Variants in MAGED1 observed in about 807,000 individuals in gnomAD.
MAGED1 encodes the protein MAGE family member D1, also known as melanoma-associated antigen D1.
A neutral mutation model predicts 54.1 loss-of-function variants in MAGED1; 3 were observed. The ratio of observed to expected loss-of-function variants is 0.06; its 90% CI spans 0.03 to 0.14. MAGED1 has a LOEUF of 0.14. MAGED1 is among the 10% of genes least tolerant of loss of function. MAGED1 has a pLI of 1.00. For synonymous variants in MAGED1, 217 were observed against 227.3 expected, an observed-to-expected ratio of 0.95 and a Z score of 0.41; for missense variants, 485 against 623.4, an observed-to-expected ratio of 0.78 and a Z score of 2.36.
At chrX:51,881,246 A>G (rs1557362455) in intron 1 of MAGED1, among the ~76,000 whole-genome samples, 2 of 110,492 alleles carry the variant, frequency 1.8e-5, no homozygotes, top group African/African-American at 6.6e-5. Flanking sequence ...ATTACCTCCC[A>G]AAGTCCCCAT....
chrX:51,852,208 G>A (rs186008561), intron 1 of MAGED1, among the ~76,000 whole-genome samples: 5 of 111,467 alleles, frequency 4.5e-5, no homozygotes, highest in Admixed American at 2.9e-4. Context: ...ACCTGCTCCC[G>A]TTGCCATCTC....
At chrX:51,824,807 C>T (rs1282515890) in intron 1 of MAGED1, among the ~76,000 whole-genome samples, 3 of 77,766 alleles carry the variant, frequency 3.9e-5, no homozygotes, top group Admixed American at 1.6e-4. Flanking sequence ...TATATACGTA[C>T]ATATATGTAT....
intron 1 of MAGED1, among the ~76,000 whole-genome samples, chrX:51,872,708 T>C (rs1835345085): frequency 8.9e-6 from 1 of 112,059 alleles, no homozygotes; most frequent in Non-Finnish European, 1.9e-5. Flanking sequence ...CTAAATGATA[T>C]GTAGCAAAGA....
chrX:51,863,354 G>A (rs1927349753), intron 1 of MAGED1, among the ~76,000 whole-genome samples: 1 of 112,291 alleles, frequency 8.9e-6, no homozygotes, highest in African/African-American at 3.2e-5. Flanking sequence ...GTGTGTGTGT[G>A]TATACACACA....
intron 1 of MAGED1, among the ~76,000 whole-genome samples, chrX:51,837,940 A>C (rs1464183426): frequency 1.8e-5 from 2 of 112,782 alleles, no homozygotes; most frequent in East Asian, 5.5e-4. Flanking sequence ...CTTAGTGTTC[A>C]CATTTCAATT....
At chrX:51,883,672 T>C (rs1928140214) in intron 1 of MAGED1, among the ~76,000 whole-genome samples, 1 of 112,221 alleles carries the variant, frequency 8.9e-6, no homozygotes, top group East Asian at 2.8e-4. Flanking sequence ...TAGAATCATC[T>C]GACAAAGATT....
intron 1 of MAGED1, among the ~76,000 whole-genome samples, chrX:51,827,593 C>A (rs141277336): frequency 0.029 from 3,180 of 111,566 alleles, 242 homozygotes; most frequent in Admixed American, 0.21. Context: ...AATATACATA[C>A]CCTTCTGGTG....
At chrX:51,859,181 C>A (rs1161855662) in intron 1 of MAGED1, among the ~76,000 whole-genome samples, 4 of 109,371 alleles carry the variant, frequency 3.7e-5, no homozygotes, top group African/African-American at 1.3e-4. Flanking sequence ...TGTAAGGATT[C>A]TAGATAAAGG....
At position 51,849,158 on chromosome X, in the gene MAGED1, T is replaced by C. The variant is rs372840769; in HGVS notation, c.-36-45111T>C. On this transcript the variant is annotated intron_variant, in intron 1 of 12. Coordinates refer to the MAGED1 transcript ENST00000375772. ...TTTTTTCTGAATGATTAATGAGTGGTTCCAGGACTATTAATTATTCTGTTA... is the reference window on the plus strand; with the variant it reads ...TTTTTTCTGAATGATTAATGAGTGGCTCCAGGACTATTAATTATTCTGTTA... Among the ~76,000 whole-genome samples the C allele has an allele frequency of 1.4e-4, 16 of 111,256 alleles. No individual in the cohort carries two copies. The East Asian group carries it at 1.7e-3, about 12-fold the overall frequency.
At chrX:51,884,194 C>T (rs554399123) in intron 1 of MAGED1, among the ~76,000 whole-genome samples, 2 of 110,853 alleles carry the variant, frequency 1.8e-5, no homozygotes, top group African/African-American at 3.3e-5. Flanking sequence ...CAAGAAGATA[C>T]GGTCAAAGAA....
At chrX:51,816,276 G>A (rs782078451) in intron 1 of MAGED1, among the ~76,000 whole-genome samples, 4 of 110,389 alleles carry the variant, frequency 3.6e-5, no homozygotes, top group Admixed American at 9.6e-5. Context: ...TACCATGCCC[G>A]GCTAATTTTT....
At chrX:51,857,486 G>T (rs1927127838) in intron 1 of MAGED1, 1 of 111,659 alleles carries the variant, frequency 9.0e-6, no homozygotes, top group Admixed American at 9.5e-5. Flanking sequence ...AAACATGAGA[G>T]AATTCATAGT....
intron 1 of MAGED1, among the ~76,000 whole-genome samples, chrX:51,813,822 G>A (rs1925310650): frequency 8.9e-6 from 1 of 111,773 alleles, no homozygotes; most frequent in Non-Finnish European, 1.9e-5. Context: ...GAGCCTGCAA[G>A]GGTAGCTAGT....
intron 1 of MAGED1, among the ~76,000 whole-genome samples, chrX:51,864,494 T>G (rs1392973066): frequency 8.9e-6 from 1 of 111,760 alleles, no homozygotes; most frequent in African/African-American, 3.3e-5. Flanking sequence ...TATTCAAGAT[T>G]GCTTTTAGTT....
chrX:51,894,559 G>T, intron 2 of MAGED1: 1 of 1,000,277 alleles, frequency 1.0e-6, no homozygotes, highest in South Asian at 2.1e-5. Flanking sequence ...GGGAGACCCT[G>T]TTAGTAGTCA....
At chrX:51,845,268 A>G (rs1926642251) in intron 1 of MAGED1, among the ~76,000 whole-genome samples, 1 of 111,581 alleles carries the variant, frequency 9.0e-6, no homozygotes, top group South Asian at 3.8e-4. Flanking sequence ...GCAACAAAAC[A>G]AAACAAACAA....
intron 1 of MAGED1, among the ~76,000 whole-genome samples, chrX:51,848,738 G>A: frequency 8.9e-6 from 1 of 112,089 alleles, no homozygotes; most frequent in East Asian, 2.8e-4. Context: ...CAGGAATTGG[G>A]CAAGGGCCAG....
chrX:51,804,901 C>A (rs781903869), intron 1 of MAGED1, among the ~76,000 whole-genome samples: 1 of 111,535 alleles, frequency 9.0e-6, no homozygotes, highest in Non-Finnish European at 1.9e-5. Flanking sequence ...ATAGTCTTTG[C>A]ATTTGTTCAC....
chrX:51,901,009 G>T (rs1295607530), intron 11 of MAGED1, among the ~76,000 whole-genome samples: 1 of 112,188 alleles, frequency 8.9e-6, no homozygotes, highest in East Asian at 2.8e-4. Flanking sequence ...GATAATACAT[G>T]TACATTGCAG....
Sources: gnomAD v4.1 joint callset for allele counts (sites outside exome capture counted in the v4.1 genomes callset) on GRCh38, gnomAD v4.1.1 for gene constraint, MANE v1.5 for transcripts, NCBI Gene and HGNC (gene_info 2026-07-23, HGNC 2026-07-21) for gene names.